SORCS3: variants seen among roughly 807,000 people sequenced by gnomAD.
SORCS3 encodes the protein sortilin related VPS10 domain containing receptor 3.
SORCS3 carries 57 observed loss-of-function variants against 146.3 expected under a neutral mutation model. That is an observed-to-expected ratio of 0.39 (90% CI 0.31 to 0.49). The LOEUF (loss-of-function observed/expected upper bound fraction) is 0.49. Ranked by LOEUF, SORCS3 falls within the 20% of genes least tolerant of loss-of-function variation. The probability of loss-of-function intolerance (pLI) is 0.92; values close to 1 mark genes in which losing one functional copy is unlikely to be tolerated. For synonymous variants in SORCS3, 653 were observed against 618.5 expected (o/e 1.06, Z -0.83); for missense variants, 1,341 against 1,575.5 (o/e 0.85, Z 2.52).
At chr10:104,842,989 C>T in intron 2 of SORCS3, 130 bp downstream of exon 2, 1 of 736,636 alleles carries the variant, frequency 1.4e-6, no homozygotes, top group Non-Finnish European at 2.4e-6. Flanking sequence ...CATGTTAATG[C>T]TCTGGGTGGA....
At chr10:105,247,385 T>C (rs1390280518) in intron 22 of SORCS3, 54 bp downstream of exon 22, 3 of 985,898 alleles carry the variant, frequency 3.0e-6, no homozygotes, top group African/African-American at 1.6e-5. Context: ...AAGAACTAGA[T>C]GGTGTGGTCC....
chr10:104,886,553 ATCAT>A (rs1473212528), intron 2 of SORCS3, among the ~76,000 whole-genome samples: 3 of 123,470 alleles, frequency 2.4e-5, no homozygotes, highest in African/African-American at 1.0e-4. Flanking sequence ...ATATAACTCT[ATCAT>A]CTATCTATCT....
intron 4 of SORCS3, among the ~76,000 whole-genome samples, chr10:105,005,447 G>A (rs1427690375): frequency 1.3e-5 from 2 of 152,154 alleles, no homozygotes; most frequent in African/African-American, 2.4e-5. Flanking sequence ...GCTTATATTG[G>A]GGATTAGGGA....
intron 1 of SORCS3, among the ~76,000 whole-genome samples, chr10:104,677,402 A>T (rs529707995): frequency 6.6e-6 from 1 of 152,358 alleles, no homozygotes. Context: ...ACACAACCTT[A>T]AAAAAGGACT....
chr10:104,919,205 C>T (rs1474667856), intron 3 of SORCS3, among the ~76,000 whole-genome samples: 2 of 152,166 alleles, frequency 1.3e-5, no homozygotes, highest in African/African-American at 4.8e-5. Context: ...GAAACTAGTG[C>T]TCAATAAACA....
At chr10:105,102,346 C>A (rs1364521749) in intron 6 of SORCS3, among the ~76,000 whole-genome samples, 1 of 152,064 alleles carries the variant, frequency 6.6e-6, no homozygotes, top group East Asian at 1.9e-4. Flanking sequence ...TATCATGCAA[C>A]CATAAAAAAG....
At chr10:104,655,867 G>T (rs556277363) in intron 1 of SORCS3, among the ~76,000 whole-genome samples, 1 of 152,196 alleles carries the variant, frequency 6.6e-6, no homozygotes, top group Non-Finnish European at 1.5e-5. Flanking sequence ...GGTCTCCCCA[G>T]AAGCAGAAGC....
At chr10:105,109,460 T>G (rs2055845029) in intron 7 of SORCS3, among the ~76,000 whole-genome samples, 1 of 152,160 alleles carries the variant, frequency 6.6e-6, no homozygotes, top group Non-Finnish European at 1.5e-5. Context: ...ATGTATTCAG[T>G]TGTCCCCAGA....
rs563524851 is a variant in SORCS3, at chr10:105,041,414, T to A, written c.955-1641T>A. ...GCTATTTTGAGGATTAAAAAAAATA[T>A]ATATATATATATACACACACATATA... is the stretch of plus-strand genomic sequence containing the variant. On this transcript the variant is annotated intron_variant, in intron 4 of 26. Coordinates refer to ENST00000369701, the MANE Select transcript of SORCS3 (RefSeq NM_014978.3). 2.0e-3 allele frequency among the ~76,000 whole-genome samples: 284 copies of A among 144,554 alleles called. 1 individual carries two copies. Among genetic ancestry groups the A allele is most frequent in the South Asian group, 4.9e-3 (23 of 4,704 alleles). 94.8% of individuals were successfully genotyped at this position (144,554 alleles called of 152,430 possible).
At chr10:105,042,241 G>C (rs1371241339) in intron 4 of SORCS3, among the ~76,000 whole-genome samples, 1 of 152,210 alleles carries the variant, frequency 6.6e-6, no homozygotes, top group Non-Finnish European at 1.5e-5. Flanking sequence ...CACCGTGGAA[G>C]CTTAGTAACT....
chr10:105,060,842 C>T (rs963549889), intron 5 of SORCS3, among the ~76,000 whole-genome samples: 4 of 151,766 alleles, frequency 2.6e-5, no homozygotes, highest in Admixed American at 2.6e-4. Flanking sequence ...GAGCCTGAGA[C>T]AGGAGAATCC....
chr10:104,936,330 A>G (rs1318555955), intron 3 of SORCS3, among the ~76,000 whole-genome samples: 6 of 152,190 alleles, frequency 3.9e-5, no homozygotes, highest in African/African-American at 1.4e-4. Flanking sequence ...GGACTCCTAT[A>G]GTGTAGAAGG....
chr10:104,738,564 C>T (rs183178978), intron 1 of SORCS3, among the ~76,000 whole-genome samples: 9 of 152,234 alleles, frequency 5.9e-5, no homozygotes, highest in Admixed American at 5.9e-4. Flanking sequence ...GGCAGAATTG[C>T]AGTATCTGTA....
At chr10:104,932,998 T>C (rs918969074) in intron 3 of SORCS3, among the ~76,000 whole-genome samples, 2 of 152,192 alleles carry the variant, frequency 1.3e-5, no homozygotes, top group African/African-American at 4.8e-5. Context: ...CAAAAAGTGA[T>C]AGGATTACAG....
At position 105,245,421 on chromosome 10, in the gene SORCS3, CGTTT is replaced by C. The variant is rs143474037; in HGVS notation, c.2869-104_2869-101del. On this transcript the variant is annotated intron_variant, in intron 20 of 26. Transcript: ENST00000369701. Reference sequence around the variant, plus strand: ...ATCACAGTTTTAAGAAACGGTATAACGTTTGTTTGTTTGTTTGTTTTTCTTTTCC... The same window carrying C: ...ATCACAGTTTTAAGAAACGGTATAACGTTTGTTTGTTTGTTTTTCTTTTCC... 3.5e-4 allele frequency: 410 copies of C among 1,172,846 alleles called. 4 individuals carry two copies. The East Asian group carries it at 6.9e-3, about 20-fold the overall frequency. 72.7% of individuals were successfully genotyped at this position (1,172,846 alleles called of 1,614,324 possible). A position where few individuals can be genotyped will look rare whatever the true frequency, so the allele number is the denominator to read the frequency against.
chr10:104,960,975 A>C (rs1156468051), intron 3 of SORCS3, among the ~76,000 whole-genome samples: 1 of 152,066 alleles, frequency 6.6e-6, no homozygotes, highest in Non-Finnish European at 1.5e-5. Context: ...TCCATTTACC[A>C]TCTCTTGTGC....
chr10:104,772,455 G>T (rs1340587752), intron 1 of SORCS3, among the ~76,000 whole-genome samples: 1 of 152,176 alleles, frequency 6.6e-6, no homozygotes, highest in Non-Finnish European at 1.5e-5. Context: ...CACCAGGTTG[G>T]CTGCAGCCCA....
intron 14 of SORCS3, among the ~76,000 whole-genome samples, chr10:105,198,411 G>A (rs563192294): frequency 6.6e-5 from 10 of 152,192 alleles, no homozygotes; most frequent in South Asian, 2.1e-4. Context: ...TGTTTGTTTC[G>A]TTTTCCCTTG....
At chr10:105,260,366 A>T (rs1004592849) in intron 25 of SORCS3, among the ~76,000 whole-genome samples, 4 of 152,204 alleles carry the variant, frequency 2.6e-5, no homozygotes, top group African/African-American at 9.7e-5. Flanking sequence ...GAGGAATCTC[A>T]GTTATTAGAC....
Sources: allele counts gnomAD v4.1 joint callset (sites outside exome capture counted in the v4.1 genomes callset), GRCh38; gene constraint gnomAD v4.1.1; transcripts MANE v1.5; gene names NCBI Gene and HGNC (gene_info 2026-07-23, HGNC 2026-07-21).